PAPPA2: variants seen among roughly 807,000 people sequenced by gnomAD.
PAPPA2 encodes pappalysin-2.
A neutral mutation model predicts 176.4 loss-of-function variants in PAPPA2; 86 were observed. The ratio of observed to expected loss-of-function variants is 0.49; its 90% CI spans 0.41 to 0.58. The LOEUF (loss-of-function observed/expected upper bound fraction) is 0.58, where lower values mean the gene tolerates loss of function less well. PAPPA2 is among the 20% of genes least tolerant of loss of function. PAPPA2 has a pLI of 0.00. For synonymous variants in PAPPA2, 809 were observed against 852.2 expected, an observed-to-expected ratio of 0.95 and a Z score of 0.88; for missense variants, 2,073 against 2,256.9, an observed-to-expected ratio of 0.92 and a Z score of 1.65.
intron 2 of PAPPA2, among the ~76,000 whole-genome samples, chr1:176,580,723 G>A (rs1652913135): frequency 1.3e-5 from 2 of 152,024 alleles, no homozygotes; most frequent in South Asian, 4.2e-4. Flanking sequence ...GCATTTCCCT[G>A]ATAATTAATA....
At chr1:176,572,377 C>T (rs1190725321) in intron 2 of PAPPA2, among the ~76,000 whole-genome samples, 2 of 152,220 alleles carry the variant, frequency 1.3e-5, no homozygotes, top group African/African-American at 4.8e-5. Flanking sequence ...CAGCTTTACA[C>T]ATCCTCTTTG....
chr1:176,617,302 G>C (rs1296861759), intron 3 of PAPPA2, among the ~76,000 whole-genome samples: 1 of 152,120 alleles, frequency 6.6e-6, no homozygotes, highest in African/African-American at 2.4e-5. Flanking sequence ...AGTGACATAG[G>C]GGGTGGCAGG....
intron 3 of PAPPA2, among the ~76,000 whole-genome samples, chr1:176,663,148 C>T (rs1056142671): frequency 2.0e-5 from 3 of 152,186 alleles, no homozygotes; most frequent in African/African-American, 7.2e-5. Context: ...TCCAAAAGCA[C>T]TAATGGAAGT....
At chr1:176,662,717 A>G (rs1044985105) in intron 3 of PAPPA2, among the ~76,000 whole-genome samples, 5 of 151,974 alleles carry the variant, frequency 3.3e-5, no homozygotes, top group African/African-American at 1.2e-4. Context: ...TTTTATTGGG[A>G]CAATCTAGGA....
chr1:176,603,090 T>G (rs753072217), intron 3 of PAPPA2, among the ~76,000 whole-genome samples: 2 of 152,246 alleles, frequency 1.3e-5, no homozygotes, highest in Non-Finnish European at 2.9e-5. Context: ...CCATGTAGTC[T>G]GTCTGGGTTA....
At chr1:176,717,940 T>C (rs1227809528) in intron 12 of PAPPA2, among the ~76,000 whole-genome samples, 1 of 152,242 alleles carries the variant, frequency 6.6e-6, no homozygotes, top group Non-Finnish European at 1.5e-5. Flanking sequence ...TCAGGTTTTA[T>C]GATCAAAGCT....
At chr1:176,640,361 G>A (rs1421227677) in intron 3 of PAPPA2, among the ~76,000 whole-genome samples, 1 of 104,722 alleles carries the variant, frequency 9.5e-6, no homozygotes, top group Non-Finnish European at 1.8e-5. Context: ...CCCCACAACA[G>A]TCCCCAGAGT....
chr1:176,809,886 C>T (rs1224448635), intron 21 of PAPPA2, among the ~76,000 whole-genome samples: 1 of 151,720 alleles, frequency 6.6e-6, no homozygotes. Flanking sequence ...TCATGTCGGA[C>T]CCTTTCAGAG....
intron 3 of PAPPA2, among the ~76,000 whole-genome samples, chr1:176,655,443 T>A (rs1490119231): frequency 6.6e-6 from 1 of 151,716 alleles, no homozygotes; most frequent in East Asian, 1.9e-4. Flanking sequence ...AAACCCCAAA[T>A]AATCACATTA....
chr1:176,653,266 A>T (rs1180832841), intron 3 of PAPPA2, among the ~76,000 whole-genome samples: 1 of 151,682 alleles, frequency 6.6e-6, no homozygotes, highest in East Asian at 2.0e-4. Flanking sequence ...CTCTTAGAGG[A>T]TCATCCCCAT....
chr1:176,665,428 G>A (rs1403140114), intron 3 of PAPPA2, among the ~76,000 whole-genome samples: 4 of 152,074 alleles, frequency 2.6e-5, no homozygotes, highest in African/African-American at 7.2e-5. Flanking sequence ...GAGAGTTGGC[G>A]CCTGATGCAA....
At chr1:176,504,209 A>T (rs1014235850) in intron 1 of PAPPA2, among the ~76,000 whole-genome samples, 1 of 152,112 alleles carries the variant, frequency 6.6e-6, no homozygotes, top group Non-Finnish European at 1.5e-5. Flanking sequence ...TCAGGAAAAA[A>T]ATAAATAGCC....
intron 3 of PAPPA2, among the ~76,000 whole-genome samples, chr1:176,612,262 T>G (rs975481909): frequency 6.6e-6 from 1 of 151,962 alleles, no homozygotes; most frequent in Non-Finnish European, 1.5e-5. Flanking sequence ...GGCGTGGTGG[T>G]GCATGCCTAT....
intron 4 of PAPPA2, among the ~76,000 whole-genome samples, chr1:176,682,864 C>T (rs1192276142): frequency 6.6e-6 from 1 of 152,018 alleles, no homozygotes; most frequent in Non-Finnish European, 1.5e-5. Flanking sequence ...AGAGTTTCAC[C>T]AGTCACTGGA....
intron 3 of PAPPA2, among the ~76,000 whole-genome samples, chr1:176,641,669 T>C (rs1404858682): frequency 6.6e-6 from 1 of 151,930 alleles, no homozygotes; most frequent in Admixed American, 6.6e-5. Flanking sequence ...ATAGGAGGTC[T>C]CAGGATTTTT....
intron 1 of PAPPA2, among the ~76,000 whole-genome samples, chr1:176,505,398 A>C (rs1057089438): frequency 2.0e-5 from 3 of 152,090 alleles, no homozygotes; most frequent in Admixed American, 1.3e-4. Context: ...AACAAAGTAC[A>C]TGAGACAACT....
At position 176,842,464 on chromosome 1, in the gene PAPPA2, C is replaced by A. The variant is rs368749829; in HGVS notation, c.*10C>A. On this transcript the variant is annotated 3_prime_UTR_variant, in exon 23 of 23. Transcript: ENST00000367662. ...AGAAGAAAATCAGTAACTGTGGGAACAAGCCCCTCCCTCCACTGCCTCAGA... is the reference window on the plus strand; with the variant it reads ...AGAAGAAAATCAGTAACTGTGGGAAAAAGCCCCTCCCTCCACTGCCTCAGA... 7 of 1,611,040 alleles carry A rather than the reference C, an allele frequency of 4.3e-6. No homozygotes were observed. The highest frequency in any genetic ancestry group is 4.0e-5 in the African/African-American group (3 of 74,900).
chr1:176,816,152 G>GTA (rs373739173), intron 21 of PAPPA2, among the ~76,000 whole-genome samples: 1,866 of 42,146 alleles, frequency 0.044, 75 homozygotes, highest in Non-Finnish European at 0.057. Context: ...CTTTCACAGT[G>GTA]TATATATATA....
chr1:176,656,476 G>T (rs1158918081), intron 3 of PAPPA2, among the ~76,000 whole-genome samples: 2 of 151,848 alleles, frequency 1.3e-5, no homozygotes, highest in African/African-American at 2.4e-5. Context: ...AACACTCTAT[G>T]ATGATAAGCT....
Sources: allele counts gnomAD v4.1 joint callset (sites outside exome capture counted in the v4.1 genomes callset), GRCh38; gene constraint gnomAD v4.1.1; transcripts MANE v1.5; gene names NCBI Gene and HGNC (gene_info 2026-07-23, HGNC 2026-07-21).